The following ADGRE2 variants were observed in gnomAD, a reference collection of about 807,000 sequenced individuals.
The protein encoded by ADGRE2 is CD97 antigen.
Under a neutral mutation model 100.8 loss-of-function variants are expected in ADGRE2, and 83 were observed. That is an observed-to-expected ratio of 0.82 (90% CI 0.69 to 0.99). The LOEUF (loss-of-function observed/expected upper bound fraction) is 0.99. ADGRE2 is among the 50% of genes least tolerant of loss of function. The probability of loss-of-function intolerance (pLI) is 0.00; values close to 1 mark genes in which losing one functional copy is unlikely to be tolerated. For missense variants in ADGRE2, 814 were observed against 1,035.7 expected, an observed-to-expected ratio of 0.79 and a Z score of 2.94; for synonymous variants, 355 against 413.0, an observed-to-expected ratio of 0.86 and a Z score of 1.70.
At chr19:14,755,508 C>T (rs1033996237) in intron 13 of ADGRE2, 146 bp downstream of exon 13, 3 of 740,738 alleles carry the variant, frequency 4.1e-6, no homozygotes, top group Non-Finnish European at 7.0e-6. Context: ...GAAATGCTTA[C>T]CCAAAGCCGG....
chr19:14,765,774 T>C lies in ADGRE2; in HGVS notation c.665A>G (p.Gln222Arg), dbSNP rs762072283. ...GAAGCAGACGGTGGAGCTGTCACAC[T>C]GATGCTGCCCGGAGCTGCACTCGTC... ...DVDECSSGQH[Q>R]CDSSTVCFNT... is the part of the protein sequence containing the mutation. Residue 222 changes from glutamine to arginine, a missense_variant, in exon 8 of 21, where the codon CAG becomes CGG. Around this residue, in one of 5 missense-constraint regions of ADGRE2, gnomAD observed 19 missense variants for 64.7 expected, o/e 0.29. Transcript: ENST00000315576. 3 of 1,613,344 alleles carry C rather than the reference T, an allele frequency of 1.9e-6. No individual in the cohort carries two copies. The highest frequency in any genetic ancestry group is 1.1e-5 in the South Asian group (1 of 91,082).
Position 14,765,824 on chromosome 19 carries a change from G to T in ADGRE2, c.635-20C>A, listed in dbSNP as rs749290403. 9.9e-6 allele frequency: 16 copies of T among 1,612,412 alleles called. No homozygotes were observed. In the South Asian group the frequency reaches 1.5e-4, roughly 16 times the overall value. ...CCACATCTGAGGACAGGAAGAAGGG[G>T]GTCAGGTCCTGTCCCAGCCTGGAGA... is the stretch of plus-strand genomic sequence containing the variant. On this transcript the variant is annotated intron_variant, in intron 7 of 20. Coordinates refer to ENST00000315576, the MANE Select transcript of ADGRE2 (RefSeq NM_013447.4).
intron 15 of ADGRE2, among the ~76,000 whole-genome samples, chr19:14,751,929 ATATTTTTTTT>A (rs747462221): frequency 2.4e-5 from 2 of 83,752 alleles, no homozygotes; most frequent in African/African-American, 1.3e-4. Context: ...ATATATATAT[ATATTTTTTTT>A]TTTTTTTTTT....
At chr19:14,769,902 G>C (rs965848054) in intron 5 of ADGRE2, among the ~76,000 whole-genome samples, 1 of 152,110 alleles carries the variant, frequency 6.6e-6, no homozygotes, top group African/African-American at 2.4e-5. Context: ...GTTTCACCAT[G>C]TTAGCCAGGA....
At chr19:14,751,400 C>A in intron 16 of ADGRE2, 36 bp downstream of exon 16, 2 of 1,505,180 alleles carry the variant, frequency 1.3e-6, no homozygotes, top group Non-Finnish European at 1.8e-6. Flanking sequence ...CATGGTTATG[C>A]CGGAGAAGAT....
Position 14,770,669 on chromosome 19 carries a change from CTTTTTTTTTTTTT to C in ADGRE2, c.355+1660_355+1672del, listed in dbSNP as rs775214778. 1.3e-4 allele frequency among the ~76,000 whole-genome samples: 11 copies of C among 85,010 alleles called. No homozygotes were observed. In the South Asian group the frequency reaches 2.5e-3, roughly 19 times the overall value. 55.8% of individuals were successfully genotyped at this position (85,010 alleles called of 152,430 possible). A position where few individuals can be genotyped will look rare whatever the true frequency, so the allele number is the denominator to read the frequency against. The stretch of plus-strand genomic sequence containing the variant: ...CTTTTTCTTTTTGTTTCTTTCTTTT[CTTTTTTTTTTTTT>C]TTTTTTTTTTTTTTTGAGACAAAGT... On this transcript the variant is annotated intron_variant, in intron 5 of 20. Coordinates refer to ENST00000315576, the MANE Select transcript of ADGRE2 (RefSeq NM_013447.4).
intron 16 of ADGRE2, among the ~76,000 whole-genome samples, chr19:14,749,165 CATATATAACCATATAA>C: frequency 7.0e-6 from 1 of 142,430 alleles, no homozygotes; most frequent in South Asian, 2.3e-4. Context: ...AATAATTAAT[CATATATAACCATATAA>C]TTATATAACC....
rs1568611746 is a variant in ADGRE2 at position 14,764,472 on chromosome 19, A to G, written c.1045T>C (p.Ser349Pro). 2 of 1,613,072 alleles carry G rather than the reference A, an allele frequency of 1.2e-6. No individual in the cohort carries two copies. The highest frequency in any genetic ancestry group is 2.7e-5 in the African/African-American group (2 of 74,928). Residue 349 changes from serine (S) to proline (P), a missense_variant, in exon 11 of 21, where the codon TCC (serine) becomes CCC (proline). This residue lies in a region of ADGRE2 where 569 missense variants were observed against 692.7 expected (regional missense o/e 0.82). Coordinates refer to ENST00000315576, the MANE Select transcript of ADGRE2 (RefSeq NM_013447.4). ...DVLRGLSKNL[S>P]NGLLNFSYPA... The stretch of plus-strand genomic sequence containing the variant: ...TAACTGAAGTTCAACAGCCCATTGG[A>G]AAGGTTCTTGCTCAGGCCTCTGAGG...
chr19:14,741,022 C>T (rs998352058), intron 20 of ADGRE2, among the ~76,000 whole-genome samples: 29 of 152,024 alleles, frequency 1.9e-4, no homozygotes, highest in Admixed American at 6.6e-4. Context: ...TGTGCCACCA[C>T]GCCCAGCGAA....
intron 11 of ADGRE2, among the ~76,000 whole-genome samples, chr19:14,762,601 G>A (rs1284917666): frequency 3.3e-5 from 5 of 150,652 alleles, no homozygotes; most frequent in Admixed American, 2.0e-4. Context: ...AGATTCTACC[G>A]AAACACACGC....
At chr19:14,727,104 T>TA in the ADGRE2 span, among the ~76,000 whole-genome samples, 17 of 132,794 alleles carry the variant, frequency 1.3e-4, no homozygotes, top group Non-Finnish European at 2.2e-4. Flanking sequence ...CTTGGCTCAC[T>TA]ACAAGCTCCG....
intron 2 of ADGRE2, among the ~76,000 whole-genome samples, chr19:14,774,772 C>G (rs532140497): frequency 8.1e-5 from 12 of 148,914 alleles, no homozygotes; most frequent in Non-Finnish European, 1.5e-4. Context: ...CTCCTGGGTT[C>G]AAGCAATTCT....
At position 14,758,787 on chromosome 19, in the gene ADGRE2, A is replaced by C. The variant is rs149720782; in HGVS notation, c.1085-2442T>G. On this transcript the variant is annotated intron_variant, in intron 11 of 20. Transcript: ENST00000315576. ...GTAGTCCCAGCTACTCCGGAGGCTG[A>C]GGCAGGAGAATGGCGTGACCCCGGG... Among the ~76,000 whole-genome samples, 699 of 150,038 alleles carry C rather than the reference A, an allele frequency of 4.7e-3. 7 individuals carry two copies. The highest frequency in any genetic ancestry group is 0.016 in the African/African-American group (664 of 40,814).
intron 10 of ADGRE2, among the ~76,000 whole-genome samples, 193 bp from the exon 11 acceptor site, chr19:14,764,803 G>A (rs2043891825): frequency 6.6e-6 from 1 of 152,322 alleles, no homozygotes; most frequent in African/African-American, 2.4e-5. Flanking sequence ...TGGGTCACAA[G>A]GTCAGGAGAT....
Position 14,753,139 on chromosome 19 carries a change from C to T in ADGRE2, c.1591-613G>A, listed in dbSNP as rs117460336. ...CACAGGCTGGTCTCGAATTCCTGGG[C>T]TCAAGTGATCCTCCCGTTTCAGCCT... is the stretch of plus-strand genomic sequence containing the variant. On this transcript the variant is annotated intron_variant, in intron 14 of 20. Coordinates refer to ENST00000315576, the MANE Select transcript of ADGRE2 (RefSeq NM_013447.4). 6.9e-3 allele frequency among the ~76,000 whole-genome samples: 1,047 copies of T among 151,948 alleles called. 5 individuals carry two copies. The highest frequency in any genetic ancestry group is 0.011 in the Non-Finnish European group (763 of 67,950).
In ADGRE2 at chr19:14,777,106, C is replaced by T. The variant is rs889791627; in HGVS notation, c.-171-179G>A. The T allele has an allele frequency of 7.1e-6, 7 of 985,348 alleles. No homozygotes were observed. The African/African-American group carries it at 1.0e-4, about 15-fold the overall frequency. 61.0% of individuals were successfully genotyped at this position (985,348 alleles called of 1,614,324 possible). A position where few individuals can be genotyped will look rare whatever the true frequency, so the allele number is the denominator to read the frequency against. The stretch of plus-strand genomic sequence containing the variant: ...ATGTGGCTCTGACCAACCCTCTGGC[C>T]TCTGTGTGTTCCAGGCTGGCTGCTG... On this transcript the variant is annotated intron_variant, in intron 1 of 20. Coordinates refer to ENST00000315576, the MANE Select transcript of ADGRE2 (RefSeq NM_013447.4).
the ADGRE2 span, among the ~76,000 whole-genome samples, chr19:14,724,542 G>A: frequency 6.6e-6 from 1 of 152,192 alleles, no homozygotes; most frequent in Non-Finnish European, 1.5e-5. Flanking sequence ...GAGGCGGGTG[G>A]ATCACCTGAG....
chr19:14,774,405 C>T, intron 2 of ADGRE2, 99 bp from the exon 3 acceptor site: 1 of 1,511,160 alleles, frequency 6.6e-7, no homozygotes, highest in Non-Finnish European at 9.0e-7. Context: ...TGACCCCTCT[C>T]AGGCTCAGAT....
chr19:14,755,086 C>T lies in ADGRE2; in HGVS notation c.1458G>A (p.Glu486=), dbSNP rs1300865962. The T allele has an allele frequency of 1.2e-6, 2 of 1,613,848 alleles. No individual in the cohort carries two copies. Among genetic ancestry groups the T allele is most frequent in the African/African-American group, 2.7e-5 (2 of 74,854 alleles). Reference sequence around the variant, plus strand: ...AGTGACCACATCCATTCTGGCCATGCTCCCAGAAGACACAGAGCACCTTCT... The same window carrying T: ...AGTGACCACATCCATTCTGGCCATGTTCCCAGAAGACACAGAGCACCTTCT... ...PRQKVLCVFW[E]HGQNGCGHWA... The change falls in exon 14 of 21, where the codon GAG becomes GAA. Residue 486 remains glutamate (E), a synonymous_variant. Transcript: ENST00000315576.
Sources: gnomAD v4.1 joint callset for allele counts (sites outside exome capture counted in the v4.1 genomes callset) on GRCh38, gnomAD v4.1.1 for gene constraint, gnomAD v4.1.1 regional missense constraint, MANE v1.5 for transcripts, NCBI Gene and HGNC (gene_info 2026-07-23, HGNC 2026-07-21) for gene names.